Variants in CD44 observed in about 807,000 individuals in gnomAD.
CD44 encodes the protein CD44 molecule (IN blood group), also known as CD44 antigen.
In CD44, 49 loss-of-function variants were observed where a neutral mutation model predicts 88.8. The ratio of observed to expected loss-of-function variants is 0.55; its 90% confidence interval spans 0.44 to 0.70. CD44 has a LOEUF of 0.70. CD44 is among the 30% of genes least tolerant of loss of function. The pLI, the probability that CD44 is intolerant of heterozygous loss-of-function variation, is 0.00. For missense variants in CD44, 883 were observed against 913.8 expected, an observed-to-expected ratio of 0.97 and a Z score of 0.43; for synonymous variants, 325 against 312.3, an observed-to-expected ratio of 1.04 and a Z score of -0.43.
intron 1 of CD44, among the ~76,000 whole-genome samples, chr11:35,167,234 A>T (rs1235619358): frequency 6.6e-6 from 1 of 151,958 alleles, no homozygotes; most frequent in Admixed American, 6.5e-5. Flanking sequence ...GAAATCTGCA[A>T]TTATGAACCA....
At chr11:35,170,549 G>T (rs1475893205) in intron 1 of CD44, among the ~76,000 whole-genome samples, 1 of 152,206 alleles carries the variant, frequency 6.6e-6, no homozygotes, top group Non-Finnish European at 1.5e-5. Context: ...GCCTCAAACA[G>T]TCAGTGTTTT....
At chr11:35,164,834 T>G (rs1338899304) in intron 1 of CD44, among the ~76,000 whole-genome samples, 1 of 152,210 alleles carries the variant, frequency 6.6e-6, no homozygotes, top group Non-Finnish European at 1.5e-5. Context: ...CACAATATAT[T>G]TCATTTGGGC....
intron 5 of CD44, among the ~76,000 whole-genome samples, chr11:35,196,499 T>A (rs1946763603): frequency 6.7e-6 from 1 of 149,340 alleles, no homozygotes; most frequent in Non-Finnish European, 1.5e-5. Context: ...GCAAAATTTT[T>A]AAATCTTTAA....
chr11:35,196,701 C>A (rs375532573), intron 5 of CD44, 45 bp from the exon 6 acceptor site: 1 of 1,593,508 alleles, frequency 6.3e-7, no homozygotes, highest in Admixed American at 1.7e-5. Flanking sequence ...TCTTAGGAAC[C>A]GTTAATTAAT....
intron 12 of CD44, 88 bp from the exon 13 acceptor site, chr11:35,209,872 GACTCT>G: frequency 1.3e-6 from 1 of 762,100 alleles, no homozygotes; most frequent in East Asian, 2.8e-5. Flanking sequence ...CTATCCATCT[GACTCT>G]ACTCTAGCTA....
At chr11:35,144,084 A>G (rs1858568524) in intron 1 of CD44, among the ~76,000 whole-genome samples, 1 of 152,206 alleles carries the variant, frequency 6.6e-6, no homozygotes, top group Non-Finnish European at 1.5e-5. Context: ...TCTAGGTGAC[A>G]TGTGGCCACC....
chr11:35,222,582 T>A, intron 17 of CD44: 1 of 814,506 alleles, frequency 1.2e-6, no homozygotes, highest in Non-Finnish European at 1.5e-6. Context: ...TTACATGTTA[T>A]TTACATTTTA....
At chr11:35,225,936 G>A (rs2134431286) in intron 17 of CD44, among the ~76,000 whole-genome samples, 1 of 152,354 alleles carries the variant, frequency 6.6e-6, no homozygotes, top group East Asian at 1.9e-4. Context: ...TGGACTTGGT[G>A]TCCAGTTTAC....
At chr11:35,159,888 A>G (rs1443082729) in intron 1 of CD44, among the ~76,000 whole-genome samples, 1 of 152,156 alleles carries the variant, frequency 6.6e-6, no homozygotes, top group Non-Finnish European at 1.5e-5. Flanking sequence ...CTGTCCCTAG[A>G]ATGGAGCCTT....
chr11:35,195,918 T>G lies in CD44; in HGVS notation c.668-828T>G, dbSNP rs182651833. On this transcript the variant is annotated intron_variant, in intron 5 of 17. Coordinates refer to ENST00000428726, the MANE Select transcript of CD44 (RefSeq NM_000610.4). ...CAAGGTTGTGAGAGGATTTGGAATCTAAATGGAGAAAAGTGTAGAGGCATA... is the reference window on the plus strand; with the variant it reads ...CAAGGTTGTGAGAGGATTTGGAATCGAAATGGAGAAAAGTGTAGAGGCATA... Among the ~76,000 whole-genome samples the G allele has an allele frequency of 5.0e-4, 76 of 152,306 alleles. 1 individual carries two copies. The East Asian group carries it at 9.5e-3, about 19-fold the overall frequency.
chr11:35,146,601 C>T (rs540065090), intron 1 of CD44, among the ~76,000 whole-genome samples: 1 of 152,328 alleles, frequency 6.6e-6, no homozygotes, highest in African/African-American at 2.4e-5. Context: ...CTGTCTTTTA[C>T]ATATGAGGAA....
intron 6 of CD44, 54 bp from the exon 7 acceptor site, chr11:35,198,066 TG>T (rs1686519795): frequency 6.3e-7 from 1 of 1,583,196 alleles, no homozygotes; most frequent in African/African-American, 1.4e-5. Flanking sequence ...TTTCTTCCTT[TG>T]CAAGTGGGTT....
intron 1 of CD44, among the ~76,000 whole-genome samples, chr11:35,150,395 G>A (rs1860081343): frequency 6.6e-6 from 1 of 152,070 alleles, no homozygotes; most frequent in Admixed American, 6.5e-5. Context: ...TCTACTGAGA[G>A]TCCTCCAGAC....
chr11:35,231,177 A>C lies in CD44; in HGVS notation c.*1844A>C, dbSNP rs971066505. 2.6e-5 allele frequency: 4 copies of C among 152,260 alleles called. No homozygotes were observed. The highest frequency in any genetic ancestry group is 9.7e-5 in the African/African-American group (4 of 41,302). 9.4% of individuals were successfully genotyped at this position (152,260 alleles called of 1,614,324 possible). A position where few individuals can be genotyped will look rare whatever the true frequency, so the allele number is the denominator to read the frequency against. On this transcript the variant is annotated 3_prime_UTR_variant, in exon 18 of 18. Coordinates refer to ENST00000428726, the MANE Select transcript of CD44 (RefSeq NM_000610.4). ...TTTTCAGTGGTCTGGATTTCTTTTT[A>C]TTTTCTTTTCAACTTGAAAGAAACT...
chr11:35,193,971 A>C (rs964180526), intron 5 of CD44, among the ~76,000 whole-genome samples: 1 of 152,216 alleles, frequency 6.6e-6, no homozygotes, highest in Non-Finnish European at 1.5e-5. Context: ...GCCAGTTGTC[A>C]TCACAAACTA....
chr11:35,151,171 A>C (rs1366397005), intron 1 of CD44, among the ~76,000 whole-genome samples: 1 of 152,162 alleles, frequency 6.6e-6, no homozygotes, highest in Non-Finnish European at 1.5e-5. Flanking sequence ...CCAGGTGTTT[A>C]AAGTGGGGGA....
intron 6 of CD44, 22 bp from the exon 7 acceptor site, chr11:35,198,099 C>T: frequency 5.0e-6 from 8 of 1,609,260 alleles, no homozygotes; most frequent in Non-Finnish European, 6.8e-6. Flanking sequence ...AGCTCAGCCA[C>T]TAATGCAAGT....
At chr11:35,144,834 G>T (rs1201588728) in intron 1 of CD44, among the ~76,000 whole-genome samples, 1 of 152,184 alleles carries the variant, frequency 6.6e-6, no homozygotes, top group Non-Finnish European at 1.5e-5. Context: ...TTTTAAAAAT[G>T]CTTTTTGCAT....
intron 14 of CD44, chr11:35,213,606 C>A (rs1452394229): frequency 6.6e-6 from 1 of 152,246 alleles, no homozygotes; most frequent in African/African-American, 2.4e-5. Flanking sequence ...GAGCCGAGAT[C>A]GTGCCACTGC....
Sources: allele counts gnomAD v4.1 joint callset (sites outside exome capture counted in the v4.1 genomes callset), GRCh38; gene constraint gnomAD v4.1.1; transcripts MANE v1.5; gene names NCBI Gene and HGNC (gene_info 2026-07-23, HGNC 2026-07-21).